The following ABCB7 variants were observed in gnomAD, a reference collection of about 807,000 sequenced individuals.
ABCB7 encodes iron-sulfur clusters transporter ABCB7, mitochondrial.
ABCB7 carries 7 observed loss-of-function variants against 54.4 expected under a neutral mutation model. The ratio of observed to expected loss-of-function variants is 0.13; its 90% confidence interval spans 0.07 to 0.24. The LOEUF (loss-of-function observed/expected upper bound fraction) is 0.24, where lower values mean the gene tolerates loss of function less well. Among genes scored for constraint, ABCB7 ranks in the 10% least tolerant of loss-of-function variants. ABCB7 has a pLI of 1.00. For missense variants in ABCB7, 356 were observed against 570.4 expected, an observed-to-expected ratio of 0.62 and a Z score of 3.83; for synonymous variants, 218 against 207.1, an observed-to-expected ratio of 1.05 and a Z score of -0.45.
intron 13 of ABCB7, chrX:75,062,766 T>C (rs749180807): frequency 1.6e-4 from 25 of 153,836 alleles, no homozygotes; most frequent in African/African-American, 6.5e-4. Context: ...TAATTCTCAA[T>C]GAACTGCAAT....
At chrX:75,155,756 A>G (rs2082170103) in intron 1 of ABCB7, among the ~76,000 whole-genome samples, 1 of 111,123 alleles carries the variant, frequency 9.0e-6, no homozygotes, top group Admixed American at 9.5e-5. Flanking sequence ...TCCATTACTA[A>G]TTGGGGAAAA....
intron 1 of ABCB7, among the ~76,000 whole-genome samples, chrX:75,133,135 A>G (rs2081986778): frequency 8.9e-6 from 1 of 112,366 alleles, no homozygotes; most frequent in Non-Finnish European, 1.9e-5. Context: ...ATGTTAAGAA[A>G]GAACCAAAAT....
At chrX:75,148,865 T>C (rs1181419999) in intron 1 of ABCB7, among the ~76,000 whole-genome samples, 2 of 111,668 alleles carry the variant, frequency 1.8e-5, no homozygotes, top group Admixed American at 9.5e-5. Context: ...ATGGCAAACG[T>C]AGCAGGCAAG....
intron 1 of ABCB7, among the ~76,000 whole-genome samples, chrX:75,148,490 T>C (rs920533232): frequency 9.1e-6 from 1 of 110,171 alleles, no homozygotes; most frequent in Non-Finnish European, 1.9e-5. Flanking sequence ...CACATTGTTA[T>C]GGTCTGAACT....
At chrX:75,096,320 T>C (rs767686349) in intron 4 of ABCB7, among the ~76,000 whole-genome samples, 1 of 112,103 alleles carries the variant, frequency 8.9e-6, no homozygotes, top group Non-Finnish European at 1.9e-5. Flanking sequence ...TTTAAGTAAG[T>C]ACTCTTTCCC....
At chrX:75,127,648 T>A (rs1177364835) in intron 1 of ABCB7, among the ~76,000 whole-genome samples, 1 of 111,750 alleles carries the variant, frequency 8.9e-6, no homozygotes, top group Non-Finnish European at 1.9e-5. Flanking sequence ...CATGACTGTA[T>A]CTTTAGAAAA....
intron 1 of ABCB7, among the ~76,000 whole-genome samples, chrX:75,142,587 T>C (rs1052152423): frequency 8.9e-6 from 1 of 111,848 alleles, no homozygotes; most frequent in African/African-American, 3.2e-5. Context: ...CCCCAAGGTG[T>C]TTTTAAATTA....
chrX:75,143,130 T>C (rs916145412), intron 1 of ABCB7, among the ~76,000 whole-genome samples: 1 of 112,058 alleles, frequency 8.9e-6, no homozygotes, highest in African/African-American at 3.2e-5. Context: ...AAGGGCTCTG[T>C]TTCCTTTTTA....
At chrX:75,138,076 C>A (rs749956474) in intron 1 of ABCB7, among the ~76,000 whole-genome samples, 40 of 111,639 alleles carry the variant, frequency 3.6e-4, no homozygotes, top group African/African-American at 1.2e-3. Flanking sequence ...TACACACACA[C>A]AAAAAATGCT....
At chrX:75,145,527 C>T (rs1273902231) in intron 1 of ABCB7, among the ~76,000 whole-genome samples, 3 of 111,857 alleles carry the variant, frequency 2.7e-5, no homozygotes, top group African/African-American at 9.8e-5. Flanking sequence ...TAAAATTCAA[C>T]ATCTATTCAT....
intron 15 of ABCB7, among the ~76,000 whole-genome samples, chrX:75,054,237 A>G (rs778672656): frequency 8.9e-6 from 1 of 112,170 alleles, no homozygotes; most frequent in Admixed American, 9.4e-5. Context: ...TGGTAACAAG[A>G]CTTTTACAAT....
In ABCB7 at chrX:75,126,276, T is replaced by A. The variant is rs893712248; in HGVS notation, c.169-11445A>T. ...CAAAATTTTAAATACAAGATCCTTA[T>A]GCTATAGTTTACACTCTAAAACTGA... On this transcript the variant is annotated intron_variant, in intron 1 of 15. Transcript: ENST00000373394. Among the ~76,000 whole-genome samples, 7 of 112,205 alleles carry A rather than the reference T, an allele frequency of 6.2e-5. No homozygotes were observed. The Admixed American group carries it at 6.7e-4, about 11-fold the overall frequency.
chrX:75,111,909 A>C (rs914960342), intron 3 of ABCB7, among the ~76,000 whole-genome samples: 1 of 112,146 alleles, frequency 8.9e-6, no homozygotes, highest in African/African-American at 3.2e-5. Context: ...GGCAAATATC[A>C]TACCAAAGAC....
At chrX:75,125,954 T>A (rs2081922959) in intron 1 of ABCB7, among the ~76,000 whole-genome samples, 1 of 111,486 alleles carries the variant, frequency 9.0e-6, no homozygotes, top group South Asian at 3.7e-4. Context: ...TTTCTAAAAG[T>A]ACCCACTTTT....
intron 1 of ABCB7, among the ~76,000 whole-genome samples, chrX:75,148,063 C>A (rs2082104878): frequency 9.0e-6 from 1 of 111,364 alleles, no homozygotes; most frequent in Admixed American, 9.5e-5. Context: ...TGGCAGTGAG[C>A]CAAGATTGTG....
At chrX:75,104,942 C>G (rs575368559) in intron 3 of ABCB7, among the ~76,000 whole-genome samples, 2 of 111,717 alleles carry the variant, frequency 1.8e-5, no homozygotes, top group South Asian at 3.7e-4. Flanking sequence ...AAAACAAAAA[C>G]CATATGATCA....
chrX:75,131,900 G>C (rs766302337), intron 1 of ABCB7, among the ~76,000 whole-genome samples: 13 of 111,410 alleles, frequency 1.2e-4, no homozygotes, highest in Non-Finnish European at 2.5e-4. Flanking sequence ...TACAGCTACA[G>C]TAGTACCACC....
rs565360418 is a variant in ABCB7, at chrX:75,051,392, C to A, written c.*1978G>T. On this transcript the variant is annotated 3_prime_UTR_variant, in exon 16 of 16. Coordinates refer to ENST00000373394, the MANE Select transcript of ABCB7 (RefSeq NM_001271696.3). ...CATATCAAATTATCATGAAAAATTT[C>A]TTAAAACTATAAACCAATAAAATAT... 6.3e-5 allele frequency among the ~76,000 whole-genome samples: 7 copies of A among 111,587 alleles called. No individual in the cohort carries two copies. In the South Asian group the frequency reaches 2.6e-3, roughly 42 times the overall value.
chrX:75,156,248 A>G lies in ABCB7; in HGVS notation c.25T>C (p.Trp9Arg). The G allele has an allele frequency of 8.3e-7, 1 of 1,206,116 alleles. No individual in the cohort carries two copies. Among genetic ancestry groups the G allele is most frequent in the Non-Finnish European group, 1.1e-6 (1 of 892,948 alleles). MALLAMHS[W>R]RWAAAAAAFE... The stretch of plus-strand genomic sequence containing the variant: ...GCAGCCGCCGCGGCCGCCCAGCGCC[A>G]AGAATGCATCGCGAGCAGCGCCATC... Residue 9 changes from tryptophan (W) to arginine (R), a missense_variant, in exon 1 of 16, where the codon TGG (tryptophan) becomes CGG (arginine). Around this residue, in one of 2 missense-constraint regions of ABCB7, gnomAD observed 115 missense variants for 99.5 expected, o/e 1.16. Coordinates refer to ENST00000373394, the MANE Select transcript of ABCB7 (RefSeq NM_001271696.3).
Sources: gnomAD v4.1 joint callset for allele counts (sites outside exome capture counted in the v4.1 genomes callset) on GRCh38, gnomAD v4.1.1 for gene constraint, gnomAD v4.1.1 regional missense constraint, MANE v1.5 for transcripts, NCBI Gene and HGNC (gene_info 2026-07-23, HGNC 2026-07-21) for gene names.